Variants in SBF2 observed in about 807,000 individuals in gnomAD.
SBF2 encodes the protein myotubularin-related protein 13.
SBF2 carries 112 observed loss-of-function variants against 225.2 expected under a neutral mutation model. The ratio of observed to expected loss-of-function variants is 0.50; its 90% CI spans 0.43 to 0.58. The LOEUF is 0.58. Among genes scored for constraint, SBF2 ranks in the 20% least tolerant of loss-of-function variants. The pLI, the probability that SBF2 is intolerant of heterozygous loss-of-function variation, is 0.00. For synonymous variants in SBF2, 763 were observed against 773.3 expected, an observed-to-expected ratio of 0.99 and a Z score of 0.22; for missense variants, 1,996 against 2,206.2, an observed-to-expected ratio of 0.90 and a Z score of 1.91.
At chr11:10,118,545 G>T (rs1328590123) in intron 2 of SBF2, among the ~76,000 whole-genome samples, 1 of 152,006 alleles carries the variant, frequency 6.6e-6, no homozygotes, top group Non-Finnish European at 1.5e-5. Context: ...TATGTAAGCA[G>T]AAAATATTTA....
intron 16 of SBF2, among the ~76,000 whole-genome samples, chr11:9,900,261 AAT>A (rs1323277151): frequency 6.6e-6 from 1 of 152,198 alleles, no homozygotes; most frequent in Non-Finnish European, 1.5e-5. Context: ...TTAAAGAATC[AAT>A]ATGTCAGTAT....
chr11:9,846,672 G>A (rs1381187804), intron 23 of SBF2, among the ~76,000 whole-genome samples: 1 of 152,186 alleles, frequency 6.6e-6, no homozygotes, highest in East Asian at 1.9e-4. Flanking sequence ...CAGGTATTGA[G>A]GTATAACTTG....
intron 1 of SBF2, among the ~76,000 whole-genome samples, chr11:10,228,131 T>C (rs560899461): frequency 8.0e-4 from 122 of 152,224 alleles, no homozygotes; most frequent in African/African-American, 2.5e-3. Context: ...TTGTCTGTTA[T>C]TGGTGTATAA....
At chr11:9,966,067 A>T (rs1337253367) in intron 14 of SBF2, among the ~76,000 whole-genome samples, 1 of 152,120 alleles carries the variant, frequency 6.6e-6, no homozygotes, top group Non-Finnish European at 1.5e-5. Context: ...TTATTAGAAA[A>T]AAACATATTT....
chr11:10,206,111 A>G (rs940322043), intron 1 of SBF2, among the ~76,000 whole-genome samples: 6 of 151,254 alleles, frequency 4.0e-5, no homozygotes, highest in African/African-American at 1.5e-4. Context: ...GTGCCACACA[A>G]AGTAGCCTGG....
upstream of SBF2, among the ~76,000 whole-genome samples, chr11:10,296,908 G>T (rs1273492278): frequency 1.3e-5 from 2 of 152,166 alleles, no homozygotes; most frequent in Non-Finnish European, 2.9e-5. Context: ...ATCTTAGTGT[G>T]AAGTGATATC....
intron 2 of SBF2, among the ~76,000 whole-genome samples, chr11:10,063,903 G>C (rs959182931): frequency 1.4e-5 from 2 of 146,234 alleles, no homozygotes; most frequent in African/African-American, 2.5e-5. Flanking sequence ...GAATCAGTGA[G>C]CTGTAAGAGA....
chr11:10,285,965 C>T (rs759623093), intron 1 of SBF2, among the ~76,000 whole-genome samples: 36 of 152,216 alleles, frequency 2.4e-4, no homozygotes, highest in Non-Finnish European at 3.8e-4. Context: ...ACCAGGAAAA[C>T]GCAAATTAAA....
At chr11:9,857,958 A>G (rs1857437675) in intron 18 of SBF2, among the ~76,000 whole-genome samples, 1 of 152,178 alleles carries the variant, frequency 6.6e-6, no homozygotes, top group African/African-American at 2.4e-5. Flanking sequence ...TGTTCTTTCT[A>G]TTCAACTTCC....
intron 2 of SBF2, among the ~76,000 whole-genome samples, chr11:10,133,493 C>A (rs1195991536): frequency 7.3e-6 from 1 of 137,438 alleles, no homozygotes; most frequent in Non-Finnish European, 1.7e-5. Context: ...AACGCAGTGC[C>A]GGTGGGCCAG....
chr11:10,002,250 C>T (rs1038876171), intron 7 of SBF2, among the ~76,000 whole-genome samples: 1 of 152,122 alleles, frequency 6.6e-6, no homozygotes, highest in Admixed American at 6.5e-5. Flanking sequence ...ATCATTATAA[C>T]TTCTAAAAAT....
At chr11:10,045,626 T>A (rs1030976823) in intron 2 of SBF2, among the ~76,000 whole-genome samples, 1 of 152,198 alleles carries the variant, frequency 6.6e-6, no homozygotes, top group Non-Finnish European at 1.5e-5. Flanking sequence ...AATATTTAAC[T>A]TTTCCTCCAC....
At chr11:9,904,006 A>G (rs1035256420) in intron 16 of SBF2, among the ~76,000 whole-genome samples, 4 of 152,092 alleles carry the variant, frequency 2.6e-5, no homozygotes, top group African/African-American at 9.7e-5. Flanking sequence ...TCACTTTTAG[A>G]GAGGCAAAGT....
intron 1 of SBF2, among the ~76,000 whole-genome samples, chr11:10,238,245 C>T (rs1179042886): frequency 1.3e-5 from 2 of 151,920 alleles, no homozygotes; most frequent in Non-Finnish European, 2.9e-5. Flanking sequence ...CCTATCTCTA[C>T]AAAGAACAGG....
chr11:10,300,334 A>G (rs1964583142), intron 1 of SBF2, among the ~76,000 whole-genome samples: 1 of 152,092 alleles, frequency 6.6e-6, no homozygotes, highest in Non-Finnish European at 1.5e-5. Flanking sequence ...TTGTTGAAAG[A>G]ATGAAAAAAC....
chr11:10,029,774 T>A lies in SBF2; in HGVS notation c.504A>T (p.Gly168=), dbSNP rs781537575. The change falls in exon 5 of 40, where the codon GGA becomes GGT. Residue 168 remains glycine (G), a synonymous_variant. Coordinates refer to ENST00000256190, the MANE Select transcript of SBF2 (RefSeq NM_030962.4). The stretch of plus-strand genomic sequence containing the variant: ...TTTCTATTCTATTTACCTGAGACCC[T>A]CCAGCCGCTGGGACAAGGCAGGCAC... ...NLCACLVPAA[G]GSQKLFSLGA... 7.5e-6 allele frequency: 12 copies of A among 1,609,960 alleles called. No individual in the cohort carries two copies. The highest frequency in any genetic ancestry group is 1.6e-4 in the Middle Eastern group (1 of 6,064).
chr11:10,075,712 G>A (rs1042623545), intron 2 of SBF2, among the ~76,000 whole-genome samples: 44 of 152,144 alleles, frequency 2.9e-4, no homozygotes, highest in African/African-American at 1.1e-3. Context: ...CATGCCTCCT[G>A]TACAGCCAGA....
chr11:9,951,850 T>G (rs1268032819), intron 16 of SBF2, among the ~76,000 whole-genome samples: 1 of 152,154 alleles, frequency 6.6e-6, no homozygotes, highest in African/African-American at 2.4e-5. Flanking sequence ...GCAAATGACT[T>G]TGTTTGATGG....
At chr11:10,297,450 A>G (rs1964558781), upstream of SBF2, among the ~76,000 whole-genome samples, 1 of 152,194 alleles carries the variant, frequency 6.6e-6, no homozygotes, top group South Asian at 2.1e-4. Flanking sequence ...TTTTAGTGTT[A>G]TATCTAAAAA....
Sources: allele counts gnomAD v4.1 joint callset (sites outside exome capture counted in the v4.1 genomes callset), GRCh38; gene constraint gnomAD v4.1.1; transcripts MANE v1.5; gene names NCBI Gene and HGNC (gene_info 2026-07-23, HGNC 2026-07-21).